The following GRAMD1C variants were observed in gnomAD, a reference collection of about 807,000 sequenced individuals.
GRAMD1C encodes GRAM domain containing 1C, also known as protein Aster-C.
In GRAMD1C, 89 loss-of-function variants were observed where a neutral mutation model predicts 97.8. That is an observed-to-expected ratio of 0.91 (90% CI 0.77 to 1.09). GRAMD1C has a LOEUF of 1.09. Among genes scored for constraint, GRAMD1C ranks in the 50% least tolerant of loss-of-function variants. GRAMD1C has a pLI of 0.00. For synonymous variants in GRAMD1C, 256 were observed against 267.0 expected (o/e 0.96, Z 0.40); for missense variants, 740 against 766.4 (o/e 0.97, Z 0.41).
intron 5 of GRAMD1C, among the ~76,000 whole-genome samples, chr3:113,879,689 CTTT>C (rs1187587255): frequency 3.8e-5 from 5 of 131,948 alleles, no homozygotes; most frequent in Admixed American, 7.9e-5. Context: ...TGACCTCTTC[CTTT>C]TTTTTTTTTT....
At chr3:113,895,478 CAG>C (rs1359140335) in intron 6 of GRAMD1C, among the ~76,000 whole-genome samples, 1 of 152,072 alleles carries the variant, frequency 6.6e-6, no homozygotes, top group African/African-American at 2.4e-5. Context: ...GAGTGTCATC[CAG>C]CTTTCTCCTT....
chr3:113,922,281 C>G (rs1937087558), intron 10 of GRAMD1C, among the ~76,000 whole-genome samples: 1 of 152,078 alleles, frequency 6.6e-6, no homozygotes, highest in African/African-American at 2.4e-5. Flanking sequence ...CCATCTTGCC[C>G]AAGCTGCTCT....
chr3:113,835,973 T>C (rs1709624690), upstream of GRAMD1C, among the ~76,000 whole-genome samples: 1 of 152,124 alleles, frequency 6.6e-6, no homozygotes, highest in Non-Finnish European at 1.5e-5. Flanking sequence ...ATTTAAGAAA[T>C]ATGCTCATGG....
In GRAMD1C at chr3:113,885,824, C is replaced by G. The variant is rs961739532; in HGVS notation, c.540+2992C>G. 3.1e-6 allele frequency: 5 copies of G among 1,611,246 alleles called. No individual in the cohort carries two copies. The African/African-American group carries it at 6.7e-5, about 22-fold the overall frequency. Reference sequence around the variant, plus strand: ...ACATCAAGGACCTCTCTGTGGTCCACAGTGACCTCTCCAGCATTGTGATCC... The same window carrying G: ...ACATCAAGGACCTCTCTGTGGTCCAGAGTGACCTCTCCAGCATTGTGATCC... On this transcript the variant is annotated intron_variant, in intron 6 of 17. Coordinates refer to ENST00000358160, the MANE Select transcript of GRAMD1C (RefSeq NM_017577.5).
At position 113,947,140 on chromosome 3, in the gene GRAMD1C, G is replaced by A. The variant is rs931244574; in HGVS notation, c.*1662G>A. 5.9e-5 allele frequency: 9 copies of A among 152,124 alleles called. No homozygotes were observed. The highest frequency in any genetic ancestry group is 4.6e-4 in the Admixed American group (7 of 15,286). 9.4% of individuals were successfully genotyped at this position (152,124 alleles called of 1,614,324 possible). ...AATTAATAAAATTTGAGCCTGTTAC[G>A]TAAATTGAATATTAATAAAATTGAA... On this transcript the variant is annotated 3_prime_UTR_variant, in exon 18 of 18. Transcript: ENST00000358160.
intron 2 of GRAMD1C, among the ~76,000 whole-genome samples, chr3:113,847,635 G>T (rs1002250584): frequency 6.6e-6 from 1 of 152,150 alleles, no homozygotes; most frequent in Non-Finnish European, 1.5e-5. Context: ...AATAAAGTAG[G>T]TATTGAAGAA....
intron 11 of GRAMD1C, 124 bp downstream of exon 11, chr3:113,930,956 A>T: frequency 1.6e-6 from 1 of 612,102 alleles, no homozygotes; most frequent in Non-Finnish European, 2.9e-6. Context: ...GGGAGGAGAA[A>T]CTGTTACAGG....
chr3:113,929,535 G>A (rs986928623), intron 10 of GRAMD1C, among the ~76,000 whole-genome samples: 3 of 152,120 alleles, frequency 2.0e-5, no homozygotes, highest in Non-Finnish European at 4.4e-5. Context: ...TTTAAATTTT[G>A]TTTCTGATTA....
chr3:113,876,622 A>T (rs1559790002), intron 5 of GRAMD1C, among the ~76,000 whole-genome samples: 1 of 121,694 alleles, frequency 8.2e-6, no homozygotes, highest in Non-Finnish European at 1.8e-5. Flanking sequence ...AGATTTGGAC[A>T]GCATACACAT....
In GRAMD1C at chr3:113,908,938, C is replaced by T; in HGVS notation, c.790-20C>T. 1 of 1,485,214 alleles carries T rather than the reference C, an allele frequency of 6.7e-7. No homozygotes were observed. The highest frequency in any genetic ancestry group is 9.0e-7 in the Non-Finnish European group (1 of 1,108,684). 92.0% of individuals were successfully genotyped at this position (1,485,214 alleles called of 1,614,324 possible). On this transcript the variant is annotated intron_variant, in intron 8 of 17. Transcript: ENST00000358160. ...GCTAAACCTGTGTTTTATTTTGAAA[C>T]TGGATTGTTTACCTTTTAGGGATTA...
chr3:113,920,188 G>A, intron 10 of GRAMD1C: 3 of 1,344,036 alleles, frequency 2.2e-6, no homozygotes, highest in Non-Finnish European at 2.1e-6. Flanking sequence ...CTGCTCAACA[G>A]CCTGAAATGT....
At chr3:113,890,556 G>T in intron 6 of GRAMD1C, 1 of 524,220 alleles carries the variant, frequency 1.9e-6, no homozygotes, top group East Asian at 3.1e-5. Context: ...ACCGTGGGGT[G>T]CTCTATTCTA....
chr3:113,853,849 A>G (rs1227800685), intron 2 of GRAMD1C, among the ~76,000 whole-genome samples: 2 of 152,202 alleles, frequency 1.3e-5, no homozygotes, highest in Non-Finnish European at 2.9e-5. Context: ...AGGAAGTGCC[A>G]TTAGAGAGAG....
chr3:113,832,235 C>G (rs557677967), intron 1 of GRAMD1C, among the ~76,000 whole-genome samples: 48 of 152,102 alleles, frequency 3.2e-4, no homozygotes, highest in African/African-American at 1.1e-3. Context: ...ACCATGTTGG[C>G]CCGGTTGGTC....
At chr3:113,871,799 G>A (rs1023856441) in intron 3 of GRAMD1C, among the ~76,000 whole-genome samples, 3 of 148,866 alleles carry the variant, frequency 2.0e-5, no homozygotes, top group Non-Finnish European at 4.4e-5. Context: ...AAATCAGATG[G>A]ACATGGTGGC....
chr3:113,838,788 A>T lies in GRAMD1C; in HGVS notation c.-122A>T. 1.7e-6 allele frequency: 1 copy of T among 598,376 alleles called. No individual in the cohort carries two copies. Among genetic ancestry groups the T allele is most frequent in the Non-Finnish European group, 2.4e-6 (1 of 414,090 alleles). The allele number at this position is 598,376 out of a possible 1,614,324, so 37.1% of individuals were successfully genotyped here. A position where few individuals can be genotyped will look rare whatever the true frequency, so the allele number is the denominator to read the frequency against. On this transcript the variant is annotated 5_prime_UTR_variant, in exon 1 of 18. Transcript: ENST00000358160. ...GGCGCAAGGAGCTGCGGCTGGAAGT[A>T]CTCGGAGGGCCGGCGGAGGAGGCGC...
rs571877855 is a variant in GRAMD1C at position 113,839,256 on chromosome 3, C to A, written c.27+320C>A. Among the ~76,000 whole-genome samples the A allele has an allele frequency of 1.8e-3, 271 of 152,316 alleles. 2 individuals carry two copies. The highest frequency in any genetic ancestry group is 0.01 in the South Asian group (50 of 4,830). The stretch of plus-strand genomic sequence containing the variant: ...GCCCCATGGTCGTGATTCTGACCCA[C>A]TGTCAACGTTTTTTCCAGCCTTGCC... On this transcript the variant is annotated intron_variant, in intron 1 of 17. Transcript: ENST00000358160.
At chr3:113,889,478 G>T (rs1025310567) in intron 6 of GRAMD1C, among the ~76,000 whole-genome samples, 2 of 152,174 alleles carry the variant, frequency 1.3e-5, no homozygotes, top group African/African-American at 4.8e-5. Context: ...AACGTGTCCT[G>T]AAATTAGCGG....
Position 113,933,605 on chromosome 3 carries a change from T to C in GRAMD1C, c.1304T>C (p.Val435Ala), listed in dbSNP as rs766527630. ...CCCTACCATGATTACTTCTATACCG[T>C]GAACAGATACTGTATCATCCGATCT... ...DVPYHDYFYT[V>A]NRYCIIRSSK... The change falls in exon 12 of 18, where the codon GTG becomes GCG. Residue 435 changes from valine to alanine, a missense_variant. Coordinates refer to ENST00000358160, the MANE Select transcript of GRAMD1C (RefSeq NM_017577.5). 5.0e-6 allele frequency: 8 copies of C among 1,606,062 alleles called. No homozygotes were observed. The highest frequency in any genetic ancestry group is 6.0e-6 in the Non-Finnish European group (7 of 1,172,700).
Sources: gnomAD v4.1 joint callset for allele counts (sites outside exome capture counted in the v4.1 genomes callset) on GRCh38, gnomAD v4.1.1 for gene constraint, MANE v1.5 for transcripts, NCBI Gene and HGNC (gene_info 2026-07-23, HGNC 2026-07-21) for gene names.